The following SEMA5A variants were observed in gnomAD, a reference collection of about 807,000 sequenced individuals.
SEMA5A encodes semaphorin-5A.
A neutral mutation model predicts 135.5 loss-of-function variants in SEMA5A; 55 were observed. That is an observed-to-expected ratio of 0.41 (90% CI 0.33 to 0.51). The LOEUF (loss-of-function observed/expected upper bound fraction) is 0.51. Among genes scored for constraint, SEMA5A ranks in the 20% least tolerant of loss-of-function variants. SEMA5A has a pLI of 0.37. For synonymous variants in SEMA5A, 580 were observed against 546.5 expected, an observed-to-expected ratio of 1.06 and a Z score of -0.85; for missense variants, 1,290 against 1,419.9, an observed-to-expected ratio of 0.91 and a Z score of 1.47.
At chr5:9,045,170 T>C (rs1736183453) in intron 21 of SEMA5A, among the ~76,000 whole-genome samples, 1 of 152,150 alleles carries the variant, frequency 6.6e-6, no homozygotes, top group African/African-American at 2.4e-5. Context: ...CAGAAGCATG[T>C]TTTTATTATT....
intron 2 of SEMA5A, among the ~76,000 whole-genome samples, chr5:9,408,540 C>T (rs1384016495): frequency 6.6e-6 from 1 of 152,302 alleles, no homozygotes; most frequent in Non-Finnish European, 1.5e-5. Context: ...AACAAGCTTT[C>T]CAGTGGATTG....
chr5:9,176,694 C>A (rs1379031804), intron 11 of SEMA5A, among the ~76,000 whole-genome samples: 1 of 152,202 alleles, frequency 6.6e-6, no homozygotes, highest in Non-Finnish European at 1.5e-5. Context: ...CCAGTTCTGG[C>A]AGAGGTGACC....
chr5:9,054,205 G>A lies in SEMA5A; in HGVS notation c.2571C>T (p.Cys857=), dbSNP rs754390056. 5.0e-5 allele frequency: 81 copies of A among 1,613,822 alleles called. No individual in the cohort carries two copies. The highest frequency in any genetic ancestry group is 6.0e-5 in the Non-Finnish European group (71 of 1,179,966). ...GGGTCCTCATATAGTGTCCACCGCC[G>A]CATGTTGCTGAACATTTTGTCCAGG... The part of the protein sequence containing the change: ...WSPWTKCSAT[C]GGGHYMRTRS... Residue 857 remains cysteine (C), a synonymous_variant, in exon 19 of 23, where the codon TGC becomes TGT. Transcript: ENST00000382496.
At chr5:9,446,278 A>C (rs1347060694) in intron 1 of SEMA5A, among the ~76,000 whole-genome samples, 2 of 152,202 alleles carry the variant, frequency 1.3e-5, no homozygotes, top group Non-Finnish European at 2.9e-5. Context: ...CACATGAGAC[A>C]ATGATGTGTT....
At chr5:9,352,097 G>GGGGT (rs1754147166) in intron 3 of SEMA5A, among the ~76,000 whole-genome samples, 1 of 149,056 alleles carries the variant, frequency 6.7e-6, no homozygotes, top group South Asian at 2.2e-4. Flanking sequence ...AACAGGTCGG[G>GGGGT]GGGGTTACTT....
intron 1 of SEMA5A, among the ~76,000 whole-genome samples, chr5:9,455,743 A>G (rs1758809930): frequency 6.6e-6 from 1 of 152,198 alleles, no homozygotes; most frequent in Non-Finnish European, 1.5e-5. Flanking sequence ...AATTCCCCCA[A>G]TCTCTCAGAA....
chr5:9,305,044 C>G (rs1435660799), intron 5 of SEMA5A, among the ~76,000 whole-genome samples: 1 of 152,160 alleles, frequency 6.6e-6, no homozygotes, highest in Non-Finnish European at 1.5e-5. Context: ...CCAACCTGGA[C>G]TGGTGGCTCC....
chr5:9,432,392 T>A (rs368944801), intron 2 of SEMA5A, among the ~76,000 whole-genome samples: 1 of 152,144 alleles, frequency 6.6e-6, no homozygotes, highest in African/African-American at 2.4e-5. Context: ...TATCACAAAA[T>A]AAAATTCCTT....
At chr5:9,176,507 A>T (rs771074607) in intron 11 of SEMA5A, among the ~76,000 whole-genome samples, 7 of 152,224 alleles carry the variant, frequency 4.6e-5, no homozygotes, top group Non-Finnish European at 8.8e-5. Flanking sequence ...GACCATGGAA[A>T]TTGTGAGCTA....
chr5:9,353,212 A>AAAGGG (rs1754255736), intron 3 of SEMA5A, among the ~76,000 whole-genome samples: 1 of 140,346 alleles, frequency 7.1e-6, no homozygotes, highest in African/African-American at 2.8e-5. Context: ...AAAGGAAAGG[A>AAAGGG]AAGGAAAGGA....
intron 21 of SEMA5A, among the ~76,000 whole-genome samples, chr5:9,046,619 A>ACAGT (rs1736271089): frequency 6.6e-6 from 1 of 152,176 alleles, no homozygotes; most frequent in South Asian, 2.1e-4. Flanking sequence ...AGCTGAACCT[A>ACAGT]CAGTCAGGAG....
chr5:9,446,632 G>A (rs1758445160), intron 1 of SEMA5A, among the ~76,000 whole-genome samples: 1 of 152,012 alleles, frequency 6.6e-6, no homozygotes, highest in African/African-American at 2.4e-5. Flanking sequence ...AGAAAAAAAG[G>A]GTGTCTGAGA....
intron 11 of SEMA5A, among the ~76,000 whole-genome samples, chr5:9,173,762 G>A (rs1744056267): frequency 6.6e-6 from 1 of 152,248 alleles, no homozygotes; most frequent in East Asian, 1.9e-4. Context: ...CTTCAAACAA[G>A]GTCTCGTTAA....
chr5:9,325,673 T>C (rs923866340), intron 4 of SEMA5A, among the ~76,000 whole-genome samples: 17 of 152,228 alleles, frequency 1.1e-4, no homozygotes, highest in African/African-American at 3.4e-4. Flanking sequence ...TGAGCCATCA[T>C]GAGCATATTA....
At chr5:9,264,898 G>A (rs541124033) in intron 5 of SEMA5A, among the ~76,000 whole-genome samples, 27 of 152,240 alleles carry the variant, frequency 1.8e-4, no homozygotes, top group Admixed American at 1.6e-3. Context: ...AACATGGGGC[G>A]AGGGTGCAGT....
rs1743466118 is a variant in SEMA5A at position 9,164,125 on chromosome 5, CATATAAATATTTATATAAT to C, written c.1274-9449_1274-9431del. Among the ~76,000 whole-genome samples the C allele has an allele frequency of 3.0e-5, 3 of 101,584 alleles. No homozygotes were observed. The East Asian group carries it at 8.8e-4, about 30-fold the overall frequency. The allele number at this position is 101,584 out of a possible 152,430, so 66.6% of individuals were successfully genotyped here. ...AATATTTATATAATTATAAATATAT[CATATAAATATTTATATAAT>C]TATAAATATATCATATAAATATTTA... On this transcript the variant is annotated intron_variant, in intron 11 of 22. Transcript: ENST00000382496.
At chr5:9,063,569 T>A (rs1296528284) in intron 17 of SEMA5A, among the ~76,000 whole-genome samples, 1 of 152,192 alleles carries the variant, frequency 6.6e-6, no homozygotes, top group East Asian at 1.9e-4. Flanking sequence ...GCTGTTAACC[T>A]TTCAAAGGTG....
intron 3 of SEMA5A, among the ~76,000 whole-genome samples, chr5:9,358,302 C>A (rs949430732): frequency 1.3e-5 from 2 of 152,198 alleles, no homozygotes; most frequent in African/African-American, 2.4e-5. Context: ...GTCCCTTGTG[C>A]AATTTTGGTT....
At chr5:9,206,953 G>A (rs1012559155) in intron 8 of SEMA5A, among the ~76,000 whole-genome samples, 2 of 145,726 alleles carry the variant, frequency 1.4e-5, no homozygotes, top group African/African-American at 5.0e-5. Flanking sequence ...TTGGCATCGT[G>A]TACAGGCATT....
Sources: gnomAD v4.1 joint callset for allele counts (sites outside exome capture counted in the v4.1 genomes callset) on GRCh38, gnomAD v4.1.1 for gene constraint, MANE v1.5 for transcripts, NCBI Gene and HGNC (gene_info 2026-07-23, HGNC 2026-07-21) for gene names.